EP400: variants seen among roughly 807,000 people sequenced by gnomAD.
EP400 encodes E1A binding protein p400, also known as E1A-binding protein p400.
EP400 carries 105 observed loss-of-function variants against 354.1 expected under a neutral mutation model. The ratio of observed to expected loss-of-function variants is 0.30; its 90% CI spans 0.25 to 0.35. The LOEUF is 0.35. Among genes scored for constraint, EP400 ranks in the 10% least tolerant of loss-of-function variants. The probability of loss-of-function intolerance (pLI) is 1.00; values close to 1 mark genes in which losing one functional copy is unlikely to be tolerated. For synonymous variants in EP400, 1,646 were observed against 1,716.9 expected, an observed-to-expected ratio of 0.96 and a Z score of 1.02; for missense variants, 3,280 against 4,121.0, an observed-to-expected ratio of 0.80 and a Z score of 5.59.
chr12:132,029,472 C>T lies in EP400; in HGVS notation c.5382-229C>T. On this transcript the variant is annotated intron_variant, in intron 27 of 52. Transcript: ENST00000389561. This position sits in a 1 kb window ranked among gnomAD's most constrained non-coding sequence, Gnocchi z 4.7. ...CCCCCATTGATCCATCAGCCCTGGA[C>T]TGTCTGAATTAGTCCCCGAGGTGGT... 1.7e-6 allele frequency: 1 copy of T among 593,470 alleles called. No individual in the cohort carries two copies. The highest frequency in any genetic ancestry group is 1.9e-5 in the African/African-American group (1 of 53,910). 36.8% of individuals were successfully genotyped at this position (593,470 alleles called of 1,614,324 possible). A position where few individuals can be genotyped will look rare whatever the true frequency, so the allele number is the denominator to read the frequency against.
chr12:132,026,741 C>A (rs776030941), intron 25 of EP400, among the ~76,000 whole-genome samples: 1 of 152,186 alleles, frequency 6.6e-6, no homozygotes, highest in Non-Finnish European at 1.5e-5. Flanking sequence ...TGAGCTCAGA[C>A]ACCCCCACCC....
intron 32 of EP400, among the ~76,000 whole-genome samples, chr12:132,042,243 G>A (rs1894937775): frequency 6.6e-6 from 1 of 152,186 alleles, no homozygotes; most frequent in South Asian, 2.1e-4. Flanking sequence ...GAGCCACCGT[G>A]CCCGGCCAGT....
chr12:131,956,996 C>T (rs891517754), intron 1 of EP400, among the ~76,000 whole-genome samples: 1 of 151,794 alleles, frequency 6.6e-6, no homozygotes, highest in East Asian at 1.9e-4. Flanking sequence ...CTCAGCCTCC[C>T]AAGTAGCTGG....
intron 2 of EP400, among the ~76,000 whole-genome samples, chr12:131,972,580 G>A (rs1467055164): frequency 1.3e-5 from 2 of 152,082 alleles, no homozygotes; most frequent in Non-Finnish European, 2.9e-5. Flanking sequence ...GTGATACTGA[G>A]TGCAGGGGTG....
chr12:132,011,691 A>G (rs1893771748), intron 16 of EP400, 57 bp downstream of exon 16: 1 of 1,541,512 alleles, frequency 6.5e-7, no homozygotes, highest in Admixed American at 2.2e-5. Flanking sequence ...TAATTTTTAT[A>G]AAAGACACAT....
In EP400 at chr12:132,054,698, G is replaced by C. The variant is rs537413706; in HGVS notation, c.7729-276G>C. 2.0e-5 allele frequency among the ~76,000 whole-genome samples: 3 copies of C among 152,172 alleles called. No individual in the cohort carries two copies. Among genetic ancestry groups the C allele is most frequent in the Admixed American group, 2.0e-4 (3 of 15,290 alleles). On this transcript the variant is annotated intron_variant, in intron 43 of 52. Transcript: ENST00000389561. This position sits in a 1 kb window ranked among gnomAD's most constrained non-coding sequence, Gnocchi z 4.0. ...ACAGAGGGTGGATGAATGGAGTGGA[G>C]GGACGGAGGAGTGGAGGGACAGTGG... is the stretch of plus-strand genomic sequence containing the variant.
intron 51 of EP400, chr12:132,076,148 C>G (rs1593393784): frequency 5.4e-6 from 2 of 371,818 alleles, no homozygotes; most frequent in East Asian, 1.4e-4. Flanking sequence ...GGAACGTCGT[C>G]CAGGCCTGTC....
At chr12:132,040,865 C>T (rs1180371897) in intron 32 of EP400, among the ~76,000 whole-genome samples, 1 of 152,068 alleles carries the variant, frequency 6.6e-6, no homozygotes, top group Non-Finnish European at 1.5e-5. Flanking sequence ...CTGGCATCAC[C>T]TAAGAGAGTC....
chr12:132,030,685 C>A (rs1354684135), intron 29 of EP400, among the ~76,000 whole-genome samples: 1 of 152,244 alleles, frequency 6.6e-6, no homozygotes, highest in African/African-American at 2.4e-5. Context: ...GGACCCTTTA[C>A]TTACATGACA....
intron 11 of EP400, among the ~76,000 whole-genome samples, chr12:131,993,241 T>C (rs2136506876): frequency 6.6e-6 from 1 of 152,264 alleles, no homozygotes; most frequent in South Asian, 2.1e-4. Flanking sequence ...GCCAGGCTGG[T>C]CTCAAACTCC....
At chr12:131,977,826 C>A (rs1242091418) in intron 2 of EP400, among the ~76,000 whole-genome samples, 1 of 152,082 alleles carries the variant, frequency 6.6e-6, no homozygotes, top group Non-Finnish European at 1.5e-5. Flanking sequence ...TAAGCCTTTC[C>A]CCGTGTGAGT....
intron 2 of EP400, among the ~76,000 whole-genome samples, chr12:131,975,438 G>A (rs950070739): frequency 5.3e-5 from 8 of 152,254 alleles, no homozygotes; most frequent in African/African-American, 1.4e-4. Context: ...TGGTCCTTAC[G>A]CCAGCGCTGC....
intron 2 of EP400, among the ~76,000 whole-genome samples, chr12:131,964,103 A>G (rs146266715): frequency 2.2e-4 from 33 of 152,366 alleles, no homozygotes; most frequent in African/African-American, 7.5e-4. Flanking sequence ...CAGGCTTCTA[A>G]ACGGATATTA....
chr12:132,012,770 C>T (rs1244996017), intron 16 of EP400, among the ~76,000 whole-genome samples: 2 of 152,150 alleles, frequency 1.3e-5, no homozygotes, highest in Non-Finnish European at 2.9e-5. Context: ...TAATTGTCAG[C>T]GCCTGCAAAA....
rs77470536 is a variant in EP400 at position 132,025,259 on chromosome 12, C to T, written c.4856-387C>T. 0.018 allele frequency among the ~76,000 whole-genome samples: 2,670 copies of T among 152,274 alleles called. 36 individuals carry two copies. Among genetic ancestry groups the T allele is most frequent in the South Asian group, 0.045 (219 of 4,828 alleles). On this transcript the variant is annotated intron_variant, in intron 24 of 52. Coordinates refer to ENST00000389561, the MANE Select transcript of EP400 (RefSeq NM_015409.5). This position sits in a 1 kb window ranked among gnomAD's most constrained non-coding sequence, Gnocchi z 4.1. ...TCGTTAAACAGCAGCAGAAAAGCCA[C>T]AGGCATCTGGGCTAAAAACAGGGTT...
chr12:131,984,130 T>C (rs961456898), intron 5 of EP400, among the ~76,000 whole-genome samples: 5 of 152,186 alleles, frequency 3.3e-5, no homozygotes, highest in African/African-American at 1.2e-4. Context: ...ACTCCTGACC[T>C]CAGGTGATCC....
chr12:132,016,867 GCT>G (rs566824443), intron 19 of EP400, among the ~76,000 whole-genome samples: 113 of 152,248 alleles, frequency 7.4e-4, no homozygotes, highest in Non-Finnish European at 1.4e-3. Flanking sequence ...ATTTGCCATT[GCT>G]CTCTCCTCCC....
chr12:132,045,630 G>C lies in EP400; in HGVS notation c.7026+70G>C, dbSNP rs1397549606. Reference sequence around the variant, plus strand: ...TTTCTAACGCACGTCCGTGCATCCAGCTCACTGTGATCACTTTGCAGGGAG... The same window carrying C: ...TTTCTAACGCACGTCCGTGCATCCACCTCACTGTGATCACTTTGCAGGGAG... On this transcript the variant is annotated intron_variant, in intron 38 of 52. Coordinates refer to ENST00000389561, the MANE Select transcript of EP400 (RefSeq NM_015409.5). The C allele has an allele frequency of 3.7e-6, 6 of 1,604,346 alleles. No individual in the cohort carries two copies. The African/African-American group carries it at 5.4e-5, about 14-fold the overall frequency.
chr12:132,037,726 G>T lies in EP400; in HGVS notation c.5996G>T (p.Gly1999Val). The T allele has an allele frequency of 1.9e-6, 3 of 1,614,218 alleles. No homozygotes were observed. Among genetic ancestry groups the T allele is most frequent in the Non-Finnish European group, 2.5e-6 (3 of 1,180,040 alleles). The change falls in exon 31 of 53, where the codon GGA (glycine) becomes GTA (valine). Residue 1999 changes from glycine to valine, a missense_variant. This residue lies in a region of EP400 where 60 missense variants were observed against 109.9 expected (regional missense o/e 0.55). Coordinates refer to ENST00000389561, the MANE Select transcript of EP400 (RefSeq NM_015409.5). ...ATTGAAGAGAAATTGTTGAAAAATG[G>T]AACTAAAGATCTGATCCGAGAAGTG... ...NSIEEKLLKN[G>V]TKDLIREVAA...
Sources: allele counts gnomAD v4.1 joint callset (sites outside exome capture counted in the v4.1 genomes callset), GRCh38; gene constraint gnomAD v4.1.1; regional missense constraint gnomAD v4.1.1; non-coding constraint Gnocchi (gnomAD v3.1); transcripts MANE v1.5; gene names NCBI Gene and HGNC (gene_info 2026-07-23, HGNC 2026-07-21).